Variants in SNTG1 observed in about 807,000 individuals in gnomAD.
SNTG1 encodes gamma-1-syntrophin.
Under a neutral mutation model 74.7 loss-of-function variants are expected in SNTG1, and 39 were observed. That is an observed-to-expected ratio of 0.52 (90% CI 0.40 to 0.68). SNTG1 has a LOEUF of 0.68. Ranked by LOEUF, SNTG1 falls within the 30% of genes least tolerant of loss-of-function variation. The pLI, the probability that SNTG1 is intolerant of heterozygous loss-of-function variation, is 0.00. For synonymous variants in SNTG1, 254 were observed against 217.1 expected, an observed-to-expected ratio of 1.17 and a Z score of -1.49; for missense variants, 685 against 609.5, an observed-to-expected ratio of 1.12 and a Z score of -1.30.
At chr8:50,325,817 TC>T (rs1386352560) in intron 2 of SNTG1, among the ~76,000 whole-genome samples, 1 of 152,114 alleles carries the variant, frequency 6.6e-6, no homozygotes, top group Non-Finnish European at 1.5e-5. Flanking sequence ...TTGTTCCTGA[TC>T]TCAGTGGAAA....
chr8:50,548,039 T>C (rs2094400270), intron 11 of SNTG1, among the ~76,000 whole-genome samples: 2 of 152,156 alleles, frequency 1.3e-5, no homozygotes, highest in African/African-American at 2.4e-5. Context: ...GGTAGAAAGG[T>C]AACAAAGTAG....
At chr8:50,047,137 G>C (rs1819157596) in intron 1 of SNTG1, among the ~76,000 whole-genome samples, 1 of 151,974 alleles carries the variant, frequency 6.6e-6, no homozygotes, top group Non-Finnish European at 1.5e-5. Context: ...TTGAGCTCAG[G>C]AGACCAACCT....
chr8:50,564,118 GT>G (rs34059510), intron 12 of SNTG1, among the ~76,000 whole-genome samples: 84 of 145,034 alleles, frequency 5.8e-4, no homozygotes, highest in Middle Eastern at 3.5e-3. Flanking sequence ...GTTGCAGTCC[GT>G]TTTTTTTTTT....
At chr8:50,621,986 T>C (rs899602550) in intron 13 of SNTG1, among the ~76,000 whole-genome samples, 3 of 152,210 alleles carry the variant, frequency 2.0e-5, no homozygotes, top group African/African-American at 7.2e-5. Flanking sequence ...TCAAATGCAC[T>C]GAGGGTTCTC....
intron 1 of SNTG1, among the ~76,000 whole-genome samples, chr8:49,929,507 T>C (rs941755631): frequency 1.9e-4 from 29 of 152,262 alleles, no homozygotes; most frequent in African/African-American, 6.7e-4. Flanking sequence ...TTTTGTGAGG[T>C]AATCTGTGCA....
chr8:50,692,249 C>A (rs1473827847), intron 15 of SNTG1, among the ~76,000 whole-genome samples: 1 of 152,174 alleles, frequency 6.6e-6, no homozygotes, highest in Non-Finnish European at 1.5e-5. Flanking sequence ...TCTCTCAACT[C>A]GTCAAAGTCA....
intron 8 of SNTG1, among the ~76,000 whole-genome samples, chr8:50,465,647 C>T (rs1236122151): frequency 6.6e-5 from 10 of 152,172 alleles, no homozygotes; most frequent in Non-Finnish European, 1.3e-4. Context: ...TGGATCATTT[C>T]ACTGTTTCTG....
intron 17 of SNTG1, among the ~76,000 whole-genome samples, chr8:50,715,869 T>C (rs2095473777): frequency 1.3e-5 from 2 of 152,244 alleles, no homozygotes. Flanking sequence ...TTAAATTCAC[T>C]GTTAACACAT....
chr8:50,424,791 T>C (rs557025294), intron 4 of SNTG1, among the ~76,000 whole-genome samples: 1 of 152,308 alleles, frequency 6.6e-6, no homozygotes, highest in Non-Finnish European at 1.5e-5. Flanking sequence ...GACAAGTATA[T>C]AGAAAACTAG....
At chr8:50,409,231 A>G (rs1404013735) in intron 4 of SNTG1, among the ~76,000 whole-genome samples, 4 of 152,200 alleles carry the variant, frequency 2.6e-5, no homozygotes, top group Admixed American at 2.0e-4. Flanking sequence ...AATATTGATC[A>G]TTTAGAAACT....
intron 1 of SNTG1, among the ~76,000 whole-genome samples, chr8:50,048,282 G>GA (rs903614280): frequency 1.2e-4 from 18 of 151,594 alleles, no homozygotes; most frequent in African/African-American, 4.4e-4. Flanking sequence ...TAAACCAAGA[G>GA]AAAAAAAGAG....
At chr8:50,643,022 T>C (rs549191198) in intron 13 of SNTG1, among the ~76,000 whole-genome samples, 19 of 151,848 alleles carry the variant, frequency 1.3e-4, no homozygotes, top group African/African-American at 4.6e-4. Context: ...ATGTGGACAC[T>C]GTAGATGCCA....
rs148047801 is a variant in SNTG1, at chr8:50,360,956, CT to C, written c.-27-33253del. On this transcript the variant is annotated intron_variant, in intron 2 of 18. Transcript: ENST00000642720. ...CTACACAAATTTATTTTTAAAATTT[CT>C]TTAATAAAAACCTTATCTTACTGTA... Among the ~76,000 whole-genome samples, 286 of 152,170 alleles carry C rather than the reference CT, an allele frequency of 1.9e-3. 1 individual carries two copies. Among genetic ancestry groups the C allele is most frequent in the African/African-American group, 6.5e-3 (270 of 41,528 alleles).
chr8:50,595,020 ATGTGTGTGTGTGTG>A lies in SNTG1; in HGVS notation c.849+4127_849+4140del, dbSNP rs57799690. 3.0e-3 allele frequency among the ~76,000 whole-genome samples: 437 copies of A among 147,838 alleles called. 1 individual carries two copies. Among genetic ancestry groups the A allele is most frequent in the Middle Eastern group, 0.028 (8 of 286 alleles). On this transcript the variant is annotated intron_variant, in intron 13 of 18. Coordinates refer to ENST00000642720, the MANE Select transcript of SNTG1 (RefSeq NM_018967.5). The stretch of plus-strand genomic sequence containing the variant: ...TCATGAAATTTTAGCTTTATTGAAG[ATGTGTGTGTGTGTG>A]TGTGTGTGTGTGTGTGTGTGTGTAT...
chr8:50,509,525 A>T (rs1293882131), intron 9 of SNTG1, among the ~76,000 whole-genome samples: 3 of 152,002 alleles, frequency 2.0e-5, no homozygotes, highest in Non-Finnish European at 4.4e-5. Context: ...CATTTTCACG[A>T]TATTGATTCT....
chr8:50,704,840 A>G, intron 16 of SNTG1, 88 bp downstream of exon 16: 6 of 1,447,094 alleles, frequency 4.1e-6, no homozygotes, highest in Non-Finnish European at 5.6e-6. Flanking sequence ...AAAGTAGTGT[A>G]AAAATACAGT....
intron 13 of SNTG1, among the ~76,000 whole-genome samples, chr8:50,597,518 G>A (rs1174120211): frequency 2.6e-5 from 4 of 151,220 alleles, no homozygotes; most frequent in Non-Finnish European, 4.4e-5. Flanking sequence ...TTGCTTATTG[G>A]GAGTGCAGCT....
chr8:50,550,693 G>GTGTGTATATA (rs1554571332), intron 11 of SNTG1, among the ~76,000 whole-genome samples: 10 of 149,028 alleles, frequency 6.7e-5, no homozygotes, highest in African/African-American at 2.5e-4. Flanking sequence ...TAGTGTGTGT[G>GTGTGTATATA]TATATATATA....
intron 17 of SNTG1, among the ~76,000 whole-genome samples, chr8:50,732,790 GA>G (rs1343122631): frequency 1.3e-5 from 2 of 151,588 alleles, no homozygotes; most frequent in African/African-American, 4.8e-5. Context: ...ATATAATGAT[GA>G]AAAAAACAGT....
Sources: allele counts gnomAD v4.1 joint callset (sites outside exome capture counted in the v4.1 genomes callset), GRCh38; gene constraint gnomAD v4.1.1; transcripts MANE v1.5; gene names NCBI Gene and HGNC (gene_info 2026-07-23, HGNC 2026-07-21).